OPCML: variants seen among roughly 807,000 people sequenced by gnomAD.
The protein encoded by OPCML is opioid-binding protein/cell adhesion molecule.
Under a neutral mutation model 37.8 loss-of-function variants are expected in OPCML, and 13 were observed. The ratio of observed to expected loss-of-function variants is 0.34; its 90% CI spans 0.22 to 0.55. The LOEUF is 0.55. Ranked by LOEUF, OPCML falls within the 20% of genes least tolerant of loss-of-function variation. The probability of loss-of-function intolerance (pLI) is 0.91; values close to 1 mark genes in which losing one functional copy is unlikely to be tolerated. For missense variants in OPCML, 341 were observed against 435.6 expected, an observed-to-expected ratio of 0.78 and a Z score of 1.93; for synonymous variants, 176 against 168.8, an observed-to-expected ratio of 1.04 and a Z score of -0.33.
intron 2 of OPCML, among the ~76,000 whole-genome samples, chr11:132,809,907 T>C (rs1043409698): frequency 2.0e-5 from 3 of 152,164 alleles, no homozygotes; most frequent in African/African-American, 7.2e-5. Flanking sequence ...TGGAGTGCAG[T>C]GGCGCGATCT....
At chr11:133,327,042 G>A (rs1203652845) in intron 1 of OPCML, among the ~76,000 whole-genome samples, 2 of 139,742 alleles carry the variant, frequency 1.4e-5, no homozygotes, top group African/African-American at 5.3e-5. Flanking sequence ...GTGGGTGCGT[G>A]TATGTGTGTG....
intron 4 of OPCML, among the ~76,000 whole-genome samples, chr11:132,448,730 T>C (rs1273287886): frequency 6.6e-6 from 1 of 152,212 alleles, no homozygotes; most frequent in Non-Finnish European, 1.5e-5. Context: ...TTATATGACC[T>C]TCTGTGACTC....
At chr11:132,426,081 T>A (rs1036681908) in intron 7 of OPCML, among the ~76,000 whole-genome samples, 1 of 152,206 alleles carries the variant, frequency 6.6e-6, no homozygotes, top group African/African-American at 2.4e-5. Flanking sequence ...AAGTTAAGCA[T>A]CTTTAAAAAT....
intron 1 of OPCML, among the ~76,000 whole-genome samples, chr11:133,074,577 A>G (rs1270818684): frequency 6.7e-6 from 1 of 148,826 alleles, no homozygotes; most frequent in African/African-American, 2.6e-5. Context: ...GTTGGCTTCC[A>G]GGAGGATGGT....
chr11:133,043,204 G>A (rs1947941227), intron 1 of OPCML, among the ~76,000 whole-genome samples: 1 of 152,144 alleles, frequency 6.6e-6, no homozygotes, highest in Non-Finnish European at 1.5e-5. Context: ...GAGGCAGAGA[G>A]AGCCCAGCTG....
At chr11:132,614,186 C>A (rs565814976) in intron 3 of OPCML, among the ~76,000 whole-genome samples, 1 of 152,194 alleles carries the variant, frequency 6.6e-6, no homozygotes, top group East Asian at 1.9e-4. Flanking sequence ...GCTTGTGCTG[C>A]CCAGACATGC....
At chr11:133,255,374 G>A (rs890958914) in intron 1 of OPCML, among the ~76,000 whole-genome samples, 4 of 152,090 alleles carry the variant, frequency 2.6e-5, no homozygotes, top group East Asian at 1.9e-4. Context: ...ACTTCCAGTC[G>A]AGGTGTTATT....
intron 1 of OPCML, among the ~76,000 whole-genome samples, chr11:133,450,523 G>A (rs1463999789): frequency 6.6e-6 from 1 of 151,428 alleles, no homozygotes; most frequent in Non-Finnish European, 1.5e-5. Flanking sequence ...AATACTCAGT[G>A]AGAATATCAA....
Position 132,943,140 on chromosome 11 carries a change from G to A in OPCML, c.62-130C>T, listed in dbSNP as rs1945642049. On this transcript the variant is annotated intron_variant, in intron 1 of 7. Transcript: ENST00000524381. The surrounding 1 kb of genome is among the most constrained non-coding windows in gnomAD (Gnocchi z 4.3). ...GGACTCCGGCAGCCGCACAGTCCTGGTCCCCCGCCCCGCGCACCAGCGGGC... is the reference window on the plus strand; with the variant it reads ...GGACTCCGGCAGCCGCACAGTCCTGATCCCCCGCCCCGCGCACCAGCGGGC... 2 of 1,607,042 alleles carry A rather than the reference G, an allele frequency of 1.2e-6. No homozygotes were observed. The highest frequency in any genetic ancestry group is 1.7e-5 in the Admixed American group (1 of 59,870).
At chr11:133,258,162 C>T (rs1941377646) in intron 1 of OPCML, among the ~76,000 whole-genome samples, 2 of 152,298 alleles carry the variant, frequency 1.3e-5, no homozygotes, top group South Asian at 2.1e-4. Flanking sequence ...AGGCAAGTCA[C>T]TGGCACCAAG....
chr11:132,709,317 G>A (rs977321310), intron 2 of OPCML, among the ~76,000 whole-genome samples: 2 of 152,144 alleles, frequency 1.3e-5, no homozygotes, highest in Non-Finnish European at 2.9e-5. Context: ...GAGTTGCAAC[G>A]ATAATACAGG....
At chr11:132,581,120 C>T (rs982001829) in intron 3 of OPCML, among the ~76,000 whole-genome samples, 11 of 152,134 alleles carry the variant, frequency 7.2e-5, no homozygotes, top group African/African-American at 2.4e-4. Context: ...GGCAACCAAG[C>T]GTGACTTGCC....
chr11:132,920,832 C>G (rs908009834), intron 2 of OPCML, among the ~76,000 whole-genome samples: 1 of 152,176 alleles, frequency 6.6e-6, no homozygotes, highest in Non-Finnish European at 1.5e-5. Context: ...CCCGTGCTGT[C>G]ATGTCACGGC....
At chr11:133,090,118 A>C (rs1948881324) in intron 1 of OPCML, among the ~76,000 whole-genome samples, 1 of 152,098 alleles carries the variant, frequency 6.6e-6, no homozygotes, top group Admixed American at 6.6e-5. Flanking sequence ...TGCTGAGCCC[A>C]TTTATGGAGC....
intron 4 of OPCML, among the ~76,000 whole-genome samples, chr11:132,451,757 T>C (rs1298077350): frequency 1.3e-5 from 2 of 152,082 alleles, no homozygotes; most frequent in East Asian, 3.9e-4. Flanking sequence ...CATCAGAACC[T>C]CATGTAGATT....
At chr11:132,608,517 T>C (rs180847579) in intron 3 of OPCML, among the ~76,000 whole-genome samples, 8 of 152,346 alleles carry the variant, frequency 5.3e-5, no homozygotes, top group Non-Finnish European at 2.9e-5. Flanking sequence ...AGGAGGTTAG[T>C]TGGTTGAACC....
At chr11:133,473,992 AG>A (rs1272653074) in intron 1 of OPCML, among the ~76,000 whole-genome samples, 195 of 152,378 alleles carry the variant, frequency 1.3e-3, no homozygotes, top group African/African-American at 4.5e-3. Context: ...AAAGGGTTAA[AG>A]CAAAGCTATT....
rs1243657302 is a variant in OPCML, at chr11:132,698,361, G to A, written c.147-41042C>T. Among the ~76,000 whole-genome samples the A allele has an allele frequency of 3.9e-5, 6 of 152,200 alleles. No individual in the cohort carries two copies. The South Asian group carries it at 8.3e-4, about 21-fold the overall frequency. On this transcript the variant is annotated intron_variant, in intron 2 of 7. Coordinates refer to ENST00000524381, the MANE Select transcript of OPCML (RefSeq NM_001012393.5). Reference sequence around the variant, plus strand: ...AATAGCTGTGAGATTATGTATGTTTGTGGTTTTGATTTGTATTTCCCTGAT... The same window carrying A: ...AATAGCTGTGAGATTATGTATGTTTATGGTTTTGATTTGTATTTCCCTGAT...
At chr11:132,595,244 C>A (rs1310582546) in intron 3 of OPCML, among the ~76,000 whole-genome samples, 1 of 151,758 alleles carries the variant, frequency 6.6e-6, no homozygotes, top group African/African-American at 2.4e-5. Flanking sequence ...AGAACATGAT[C>A]CAGGGAGAGG....
Sources: allele counts gnomAD v4.1 joint callset (sites outside exome capture counted in the v4.1 genomes callset), GRCh38; gene constraint gnomAD v4.1.1; non-coding constraint Gnocchi (gnomAD v3.1); transcripts MANE v1.5; gene names NCBI Gene and HGNC (gene_info 2026-07-23, HGNC 2026-07-21).